Variants in SLC9C2 observed in about 807,000 individuals in gnomAD.
SLC9C2 encodes the protein solute carrier family 9 member C2 (putative), also known as sodium/hydrogen exchanger 11.
In SLC9C2, 75 loss-of-function variants were observed where a neutral mutation model predicts 140.2. The ratio of observed to expected loss-of-function variants is 0.53; its 90% CI spans 0.44 to 0.65. The LOEUF (loss-of-function observed/expected upper bound fraction) is 0.65. SLC9C2 is among the 30% of genes least tolerant of loss of function. SLC9C2 has a pLI of 0.00. For missense variants in SLC9C2, 1,074 were observed against 1,331.8 expected (o/e 0.81, Z 3.01); for synonymous variants, 375 against 420.9 (o/e 0.89, Z 1.34).
At position 173,535,949 on chromosome 1, in the gene SLC9C2, T is replaced by C; in HGVS notation, c.1656A>G (p.Lys552=). ...AAKCYYSIQG[K]FMSIYDVSTY... The stretch of plus-strand genomic sequence containing the variant: ...TTGAAACATCATAAATACTCATGAA[T>C]CTAACAGAGAAAAATGTACATATGT... Residue 552 remains lysine (K), a splice_region_variant and synonymous_variant, in exon 15 of 28, where the codon AAA becomes AAG. Transcript: ENST00000367714. 1.3e-6 allele frequency: 2 copies of C among 1,500,326 alleles called. No homozygotes were observed. The highest frequency in any genetic ancestry group is 1.8e-6 in the Non-Finnish European group (2 of 1,119,178). 92.9% of individuals were successfully genotyped at this position (1,500,326 alleles called of 1,614,324 possible).
chr1:173,576,871 T>C (rs1665214143), intron 7 of SLC9C2, 111 bp from the exon 8 acceptor site: 1 of 727,574 alleles, frequency 1.4e-6, no homozygotes, highest in East Asian at 2.8e-5. Context: ...AAGTAGTAGT[T>C]CTTAGAAGGT....
At chr1:173,581,103 T>G (rs1665502151) in intron 7 of SLC9C2, among the ~76,000 whole-genome samples, 1 of 152,214 alleles carries the variant, frequency 6.6e-6, no homozygotes, top group Non-Finnish European at 1.5e-5. Flanking sequence ...GCAGCGCTTT[T>G]AGGTAACTGG....
chr1:173,575,028 G>A (rs1270662690), intron 8 of SLC9C2, among the ~76,000 whole-genome samples: 1 of 152,054 alleles, frequency 6.6e-6, no homozygotes, highest in Admixed American at 6.5e-5. Flanking sequence ...GCTGAGGTGG[G>A]AGGATCGCTT....
Position 173,601,761 on chromosome 1 carries a change from A to T in SLC9C2, c.16T>A (p.Trp6Arg). ...GGTCTGTTACTTTCATTTTGTGCCC[A>T]GAAGTAAGAACTCATTTTTGCTGCT... MSSYF[W>R]AQNESNRPDL... The change falls in exon 2 of 28, where the codon TGG (tryptophan) becomes AGG (arginine). Residue 6 changes from tryptophan (W) to arginine (R), a missense_variant. By Grantham distance (101) the Trp-to-Arg change is moderately radical. Coordinates refer to ENST00000367714, the MANE Select transcript of SLC9C2 (RefSeq NM_178527.4). 6.2e-7 allele frequency: 1 copy of T among 1,614,018 alleles called. No individual in the cohort carries two copies. Among genetic ancestry groups the T allele is most frequent in the Non-Finnish European group, 8.5e-7 (1 of 1,179,926 alleles).
At chr1:173,511,874 C>T (rs546395523) in intron 23 of SLC9C2, among the ~76,000 whole-genome samples, 20 of 152,208 alleles carry the variant, frequency 1.3e-4, no homozygotes, top group Middle Eastern at 3.4e-3. Flanking sequence ...GCATATGGCT[C>T]ACCAGTTTTC....
At chr1:173,601,059 T>C (rs1159716221) in intron 2 of SLC9C2, among the ~76,000 whole-genome samples, 1 of 152,226 alleles carries the variant, frequency 6.6e-6, no homozygotes, top group Non-Finnish European at 1.5e-5. Flanking sequence ...TAATCATTGT[T>C]TAAGAGGTCC....
intron 24 of SLC9C2, among the ~76,000 whole-genome samples, chr1:173,508,979 G>T (rs949833752): frequency 4.9e-5 from 7 of 143,634 alleles, no homozygotes; most frequent in Non-Finnish European, 7.4e-5. Flanking sequence ...TTAACACTAT[G>T]CTTGGTTCAG....
At chr1:173,589,932 C>G (rs573317000) in intron 4 of SLC9C2, among the ~76,000 whole-genome samples, 1 of 152,038 alleles carries the variant, frequency 6.6e-6, no homozygotes, top group Non-Finnish European at 1.5e-5. Flanking sequence ...AAATCTACAA[C>G]TAATGGGAAT....
chr1:173,558,801 TC>T (rs1179963114), intron 9 of SLC9C2, among the ~76,000 whole-genome samples: 3 of 152,238 alleles, frequency 2.0e-5, no homozygotes, highest in Non-Finnish European at 2.9e-5. Flanking sequence ...TTTTCTCTAG[TC>T]TTTACAGAAA....
At chr1:173,581,769 G>A (rs1665550001) in intron 7 of SLC9C2, 78 bp downstream of exon 7, 7 of 1,243,536 alleles carry the variant, frequency 5.6e-6, no homozygotes, top group Non-Finnish European at 7.5e-6. Context: ...GAAGCAACTG[G>A]ATTCAAGATC....
At chr1:173,542,986 A>G (rs1246997276) in intron 13 of SLC9C2, among the ~76,000 whole-genome samples, 1 of 152,180 alleles carries the variant, frequency 6.6e-6, no homozygotes, top group Non-Finnish European at 1.5e-5. Context: ...CCTATTCAAC[A>G]TAGTGTTGGA....
chr1:173,541,329 C>T (rs1399127312), intron 13 of SLC9C2, among the ~76,000 whole-genome samples: 6 of 152,122 alleles, frequency 3.9e-5, no homozygotes, highest in Non-Finnish European at 7.4e-5. Flanking sequence ...TATATATGCA[C>T]TTAATACAGG....
At chr1:173,519,501 C>T (rs1660654168) in intron 22 of SLC9C2, among the ~76,000 whole-genome samples, 1 of 152,160 alleles carries the variant, frequency 6.6e-6, no homozygotes, top group Non-Finnish European at 1.5e-5. Context: ...TATTTAAGCA[C>T]TAAATTTGTG....
chr1:173,537,114 C>T (rs1662025747), intron 13 of SLC9C2, 75 bp from the exon 14 acceptor site: 3 of 1,137,954 alleles, frequency 2.6e-6, no homozygotes, highest in Non-Finnish European at 3.9e-6. Context: ...CCTTACATAG[C>T]CCTCACTATT....
Position 173,548,435 on chromosome 1 carries a change from A to G in SLC9C2, c.1415T>C (p.Val472Ala). ...LFKTEKILTN[V>A]NWTLVEDKTR... ...TTTATCTTCTACTAAGGTCCAGTTA[A>G]CATTTGTCAAAATTTTTTCTGTTTT... is the stretch of plus-strand genomic sequence containing the variant. Residue 472 changes from valine to alanine, a missense_variant, in exon 12 of 28, where the codon GTT (valine) becomes GCT (alanine). Coordinates refer to ENST00000367714, the MANE Select transcript of SLC9C2 (RefSeq NM_178527.4). The G allele has an allele frequency of 6.2e-7, 1 of 1,613,788 alleles. No homozygotes were observed. Among genetic ancestry groups the G allele is most frequent in the Non-Finnish European group, 8.5e-7 (1 of 1,179,786 alleles).
chr1:173,600,764 G>A (rs1489770700), intron 2 of SLC9C2, among the ~76,000 whole-genome samples: 1 of 152,018 alleles, frequency 6.6e-6, no homozygotes, highest in Non-Finnish European at 1.5e-5. Flanking sequence ...TATAGAGCTA[G>A]TCCATGGTCA....
chr1:173,548,300 C>A, intron 12 of SLC9C2, 89 bp downstream of exon 12: 2 of 1,274,062 alleles, frequency 1.6e-6, no homozygotes, highest in Non-Finnish European at 2.2e-6. Flanking sequence ...ATTTAATTAG[C>A]AGAATCAGGT....
At chr1:173,526,225 A>G (rs1661184611) in intron 19 of SLC9C2, among the ~76,000 whole-genome samples, 1 of 152,238 alleles carries the variant, frequency 6.6e-6, no homozygotes, top group Non-Finnish European at 1.5e-5. Context: ...GATACTCAGG[A>G]AATGACATTC....
chr1:173,524,961 C>T (rs1294915357), intron 19 of SLC9C2, 34 bp from the exon 20 acceptor site: 1 of 1,606,758 alleles, frequency 6.2e-7, no homozygotes, highest in Non-Finnish European at 8.5e-7. Context: ...AGTAAGTGGC[C>T]TATGCAATAA....
Sources: gnomAD v4.1 joint callset for allele counts (sites outside exome capture counted in the v4.1 genomes callset) on GRCh38, gnomAD v4.1.1 for gene constraint, MANE v1.5 for transcripts, NCBI Gene and HGNC (gene_info 2026-07-23, HGNC 2026-07-21) for gene names.